The following TBC1D4 variants were observed in gnomAD, a reference collection of about 807,000 sequenced individuals.
The protein encoded by TBC1D4 is TBC1 domain family member 4, also known as TBC (Tre-2, BUB2, CDC16) domain-containing protein.
TBC1D4 carries 121 observed loss-of-function variants against 142.5 expected under a neutral mutation model. That is an observed-to-expected ratio of 0.85 (90% CI 0.73 to 0.99). The LOEUF is 0.99. Among genes scored for constraint, TBC1D4 ranks in the 50% least tolerant of loss-of-function variants. The pLI, the probability that TBC1D4 is intolerant of heterozygous loss-of-function variation, is 0.00. For synonymous variants in TBC1D4, 630 were observed against 628.2 expected (o/e 1.00, Z -0.04); for missense variants, 1,475 against 1,606.6 (o/e 0.92, Z 1.40).
In TBC1D4 at chr13:75,380,130, C is replaced by T. The variant is rs1177810308; in HGVS notation, c.499-17523G>A. On this transcript the variant is annotated intron_variant, in intron 1 of 20. Coordinates refer to ENST00000377636, the MANE Select transcript of TBC1D4 (RefSeq NM_014832.5). ...CTGGCCTCAAGTGATCCACCCGCCT[C>T]GGCTTCCCAAAGTGCTGGGATTACA... 3.3e-5 allele frequency among the ~76,000 whole-genome samples: 5 copies of T among 151,338 alleles called. No homozygotes were observed. In the South Asian group the frequency reaches 6.3e-4, roughly 19 times the overall value.
intron 1 of TBC1D4, among the ~76,000 whole-genome samples, chr13:75,423,969 T>C (rs1886269571): frequency 2.0e-5 from 3 of 152,332 alleles, no homozygotes; most frequent in South Asian, 2.1e-4. Context: ...AAATGTTATA[T>C]TACGTGTATT....
chr13:75,458,604 CA>C (rs1411863569), intron 1 of TBC1D4, among the ~76,000 whole-genome samples: 1 of 152,188 alleles, frequency 6.6e-6, no homozygotes, highest in Non-Finnish European at 1.5e-5. Context: ...GTATCATAAA[CA>C]AGCAAGTGTT....
chr13:75,329,244 T>C (rs1181443405), intron 8 of TBC1D4, among the ~76,000 whole-genome samples: 2 of 152,168 alleles, frequency 1.3e-5, no homozygotes, highest in African/African-American at 4.8e-5. Context: ...CATATTTTAC[T>C]ATGATTATGT....
intron 8 of TBC1D4, among the ~76,000 whole-genome samples, chr13:75,334,792 G>A (rs996850083): frequency 1.3e-5 from 2 of 151,962 alleles, no homozygotes; most frequent in African/African-American, 4.8e-5. Flanking sequence ...TACCATGTCG[G>A]CCAGGCAGGA....
At chr13:75,379,859 G>A (rs7490836) in intron 1 of TBC1D4, among the ~76,000 whole-genome samples, 26,403 of 140,522 alleles carry the variant, frequency 0.19, 2,963 homozygotes, top group East Asian at 0.37. Flanking sequence ...AGCTAGTGTT[G>A]AAGTATATCA....
intron 11 of TBC1D4, among the ~76,000 whole-genome samples, chr13:75,323,640 G>T (rs1214334911): frequency 6.6e-6 from 1 of 152,048 alleles, no homozygotes; most frequent in African/African-American, 2.4e-5. Context: ...TCAAGAGGTC[G>T]TTCACAAGAT....
intron 11 of TBC1D4, among the ~76,000 whole-genome samples, chr13:75,322,851 T>C (rs963463373): frequency 6.6e-6 from 1 of 152,226 alleles, no homozygotes; most frequent in African/African-American, 2.4e-5. Context: ...GTTTTGTGGC[T>C]ATTTCCTTTG....
intron 12 of TBC1D4, among the ~76,000 whole-genome samples, chr13:75,314,778 C>T (rs138174893): frequency 6.7e-6 from 1 of 149,692 alleles, no homozygotes; most frequent in African/African-American, 2.5e-5. Flanking sequence ...AGTAGCATGG[C>T]CAACATGGTG....
At chr13:75,376,422 G>C (rs1883514430) in intron 1 of TBC1D4, among the ~76,000 whole-genome samples, 1 of 150,142 alleles carries the variant, frequency 6.7e-6, no homozygotes, top group Non-Finnish European at 1.5e-5. Context: ...GTGTCACCCA[G>C]GCTGGAGTGC....
chr13:75,423,244 T>C (rs1248880162), intron 1 of TBC1D4, among the ~76,000 whole-genome samples: 1 of 151,418 alleles, frequency 6.6e-6, no homozygotes, highest in African/African-American at 2.4e-5. Flanking sequence ...AAAATCTCTA[T>C]GTATGTAAGT....
At chr13:75,421,150 C>T (rs182784358) in intron 1 of TBC1D4, among the ~76,000 whole-genome samples, 6 of 152,246 alleles carry the variant, frequency 3.9e-5, no homozygotes, top group East Asian at 1.9e-4. Context: ...AGGGGAACAG[C>T]AGGGTGGCAT....
chr13:75,394,914 G>C (rs565752698), intron 1 of TBC1D4, among the ~76,000 whole-genome samples: 4 of 152,318 alleles, frequency 2.6e-5, no homozygotes, highest in African/African-American at 9.6e-5. Flanking sequence ...GCAAAACCTT[G>C]CTACAATTTG....
chr13:75,304,713 G>A (rs374105053), intron 15 of TBC1D4, among the ~76,000 whole-genome samples: 25 of 152,134 alleles, frequency 1.6e-4, no homozygotes, highest in Admixed American at 2.6e-4. Flanking sequence ...GCCCTGAGAC[G>A]GGCAGAGGAA....
At chr13:75,376,814 G>C (rs1257353560) in intron 1 of TBC1D4, among the ~76,000 whole-genome samples, 2 of 152,212 alleles carry the variant, frequency 1.3e-5, no homozygotes, top group African/African-American at 4.8e-5. Context: ...TACAGTCACA[G>C]AGCAATGTAA....
chr13:75,355,246 C>T (rs914211913), intron 4 of TBC1D4, among the ~76,000 whole-genome samples: 3 of 152,232 alleles, frequency 2.0e-5, no homozygotes, highest in East Asian at 3.9e-4. Context: ...TGGGAGAAAT[C>T]CTGGTGGGAG....
intron 8 of TBC1D4, among the ~76,000 whole-genome samples, chr13:75,332,566 G>C (rs541604470): frequency 1.2e-4 from 15 of 123,998 alleles, no homozygotes; most frequent in African/African-American, 4.0e-4. Context: ...TCACCTGGAA[G>C]GCTTGTTGAA....
chr13:75,445,767 T>C (rs1447170772), intron 1 of TBC1D4, among the ~76,000 whole-genome samples: 1 of 152,158 alleles, frequency 6.6e-6, no homozygotes, highest in African/African-American at 2.4e-5. Flanking sequence ...CACTACTCCC[T>C]AAAAAAATGT....
chr13:75,396,766 T>G (rs996561890), intron 1 of TBC1D4, among the ~76,000 whole-genome samples: 5 of 152,152 alleles, frequency 3.3e-5, no homozygotes, highest in Admixed American at 2.6e-4. Flanking sequence ...CACCCTTAAA[T>G]GTATTTACAG....
At chr13:75,352,570 A>G (rs916975256) in intron 4 of TBC1D4, among the ~76,000 whole-genome samples, 2 of 152,178 alleles carry the variant, frequency 1.3e-5, no homozygotes, top group African/African-American at 4.8e-5. Flanking sequence ...GGTTGGTTAA[A>G]CAAGATGAAG....
Sources: allele counts gnomAD v4.1 joint callset (sites outside exome capture counted in the v4.1 genomes callset), GRCh38; gene constraint gnomAD v4.1.1; transcripts MANE v1.5; gene names NCBI Gene and HGNC (gene_info 2026-07-23, HGNC 2026-07-21).